The following TMEM123 variants were observed in gnomAD, a reference collection of about 807,000 sequenced individuals.
TMEM123 encodes porimin.
Under a neutral mutation model 19.7 loss-of-function variants are expected in TMEM123, and 16 were observed. The ratio of observed to expected loss-of-function variants is 0.81; its 90% CI spans 0.55 to 1.23. TMEM123 has a LOEUF of 1.23. Ranked by LOEUF, TMEM123 falls within the 50% of genes most tolerant of loss-of-function variation. TMEM123 has a pLI of 0.00. For missense variants in TMEM123, 313 were observed against 257.8 expected (o/e 1.21, Z -1.47); for synonymous variants, 118 against 99.4 (o/e 1.19, Z -1.12).
At chr11:102,401,742 TAAC>T in intron 3 of TMEM123, 50 bp from the exon 4 acceptor site, 1 of 1,477,252 alleles carries the variant, frequency 6.8e-7, no homozygotes, top group Non-Finnish European at 9.1e-7. Flanking sequence ...TTTTTTTTTT[TAAC>T]ATTGTAATTA....
At chr11:102,437,485 C>A (rs967606709) in intron 2 of TMEM123, among the ~76,000 whole-genome samples, 1 of 150,436 alleles carries the variant, frequency 6.6e-6, no homozygotes, top group African/African-American at 2.4e-5. Context: ...ATTTTTTTTA[C>A]GTTTAAAATG....
At chr11:102,452,013 T>G (rs1857945699) in intron 1 of TMEM123, among the ~76,000 whole-genome samples, 1 of 152,232 alleles carries the variant, frequency 6.6e-6, no homozygotes, top group Non-Finnish European at 1.5e-5. Flanking sequence ...ACTTCGAGCG[T>G]CAGGGGGACC....
chr11:102,451,718 T>C (rs975761006), intron 1 of TMEM123, among the ~76,000 whole-genome samples: 1 of 152,258 alleles, frequency 6.6e-6, no homozygotes, highest in Non-Finnish European at 1.5e-5. Flanking sequence ...AAGGGCTGTT[T>C]GAAGTCTCCA....
chr11:102,424,176 A>G (rs1297028345), intron 2 of TMEM123, among the ~76,000 whole-genome samples: 2 of 152,238 alleles, frequency 1.3e-5, no homozygotes, highest in African/African-American at 4.8e-5. Flanking sequence ...AAAAGCTAAT[A>G]TAAGCCATCT....
intron 2 of TMEM123, 54 bp from the exon 3 acceptor site, chr11:102,402,260 TC>T: frequency 6.4e-7 from 1 of 1,559,988 alleles, no homozygotes; most frequent in Non-Finnish European, 8.7e-7. Flanking sequence ...GGGAATAAGA[TC>T]CCATTTCACT....
chr11:102,421,538 C>T (rs1440684409), intron 2 of TMEM123, among the ~76,000 whole-genome samples: 1 of 151,926 alleles, frequency 6.6e-6, no homozygotes, highest in East Asian at 1.9e-4. Context: ...AAACTGTCTG[C>T]TCGAATGTCA....
At chr11:102,427,334 C>T (rs1038281257) in intron 2 of TMEM123, among the ~76,000 whole-genome samples, 5 of 151,898 alleles carry the variant, frequency 3.3e-5, no homozygotes, top group Admixed American at 6.6e-5. Context: ...CAAAAGAGGA[C>T]CCAGGTCTCT....
chr11:102,428,804 C>G (rs544107103), intron 2 of TMEM123, among the ~76,000 whole-genome samples: 2 of 152,272 alleles, frequency 1.3e-5, no homozygotes, highest in African/African-American at 2.4e-5. Context: ...TAGGCTATAA[C>G]TCTGACAAGA....
chr11:102,420,997 A>C (rs942400962), intron 2 of TMEM123, among the ~76,000 whole-genome samples: 4 of 152,218 alleles, frequency 2.6e-5, no homozygotes, highest in Non-Finnish European at 4.4e-5. Flanking sequence ...CAGTGAGTCA[A>C]GATGGTGCCA....
In TMEM123 at chr11:102,401,624, T is replaced by C; in HGVS notation, c.517A>G (p.Ile173Val). ...GATAAAACTCCCAGCGTTAATACAA[T>C]ACCACCAACAAAGCTCCCAGTATCA... ...KFDTGSFVGGIVLTLGVLSIL... is the reference protein window; with the variant it reads ...KFDTGSFVGGVVLTLGVLSIL... Residue 173 changes from isoleucine to valine, a missense_variant, in exon 4 of 5, where the codon ATT becomes GTT. Transcript: ENST00000398136. 1 of 1,609,256 alleles carries C rather than the reference T, an allele frequency of 6.2e-7. No homozygotes were observed. The highest frequency in any genetic ancestry group is 8.5e-7 in the Non-Finnish European group (1 of 1,178,856).
At chr11:102,443,803 C>A (rs1196319677) in intron 2 of TMEM123, among the ~76,000 whole-genome samples, 1 of 152,090 alleles carries the variant, frequency 6.6e-6, no homozygotes, top group Non-Finnish European at 1.5e-5. Context: ...ACCCATCTGA[C>A]AAAGGGCTAA....
intron 1 of TMEM123, 93 bp from the exon 2 acceptor site, chr11:102,448,961 T>C: frequency 8.0e-7 from 1 of 1,251,814 alleles, no homozygotes; most frequent in Non-Finnish European, 1.2e-6. Context: ...GTAGGGGTAG[T>C]GGTGTCAGGA....
intron 2 of TMEM123, among the ~76,000 whole-genome samples, chr11:102,433,128 T>A (rs183307790): frequency 6.6e-6 from 1 of 151,882 alleles, no homozygotes; most frequent in African/African-American, 2.4e-5. Flanking sequence ...CACTGCCTAG[T>A]GGAGCTGTGA....
At chr11:102,441,229 A>G (rs575495896) in intron 2 of TMEM123, among the ~76,000 whole-genome samples, 1 of 152,332 alleles carries the variant, frequency 6.6e-6, no homozygotes, top group South Asian at 2.1e-4. Context: ...ACCCCAAATC[A>G]ACAGAATATA....
At chr11:102,425,274 T>C (rs1952116952) in intron 2 of TMEM123, among the ~76,000 whole-genome samples, 1 of 152,200 alleles carries the variant, frequency 6.6e-6, no homozygotes. Flanking sequence ...AGAACAAGGA[T>C]GAAACACCTT....
In TMEM123 at chr11:102,438,947, A is replaced by C. The variant is rs116501970; in HGVS notation, c.157+9865T>G. Among the ~76,000 whole-genome samples the C allele has an allele frequency of 1.7e-3, 261 of 152,340 alleles. 1 individual carries two copies. The highest frequency in any genetic ancestry group is 6.2e-3 in the African/African-American group (258 of 41,578). On this transcript the variant is annotated intron_variant, in intron 2 of 4. Coordinates refer to ENST00000398136, the MANE Select transcript of TMEM123 (RefSeq NM_052932.3). ...GGCACACCAGGAGACTGTATCCTGC[A>C]CGTGGCTCAGAGGGTCCCACACCCA...
At chr11:102,413,868 T>C (rs968643826) in intron 2 of TMEM123, among the ~76,000 whole-genome samples, 1 of 152,100 alleles carries the variant, frequency 6.6e-6, no homozygotes, top group African/African-American at 2.4e-5. Context: ...GAGACTGAAA[T>C]GGTTAAAACA....
rs556067377 is a variant in TMEM123 at position 102,439,686 on chromosome 11, G to T, written c.157+9126C>A. Among the ~76,000 whole-genome samples, 4 of 152,348 alleles carry T rather than the reference G, an allele frequency of 2.6e-5. No homozygotes were observed. In the East Asian group the frequency reaches 5.8e-4, roughly 22 times the overall value. On this transcript the variant is annotated intron_variant, in intron 2 of 4. Transcript: ENST00000398136. Reference sequence around the variant, plus strand: ...TCCTCGCCAGCAACAGAACAAAGCTGGACGGAGAATGACTTTGACGAGTTG... The same window carrying T: ...TCCTCGCCAGCAACAGAACAAAGCTTGACGGAGAATGACTTTGACGAGTTG...
chr11:102,452,567 C>G lies in TMEM123; in HGVS notation c.57G>C (p.Val19=). ...WAALLLGTLQ[V]LALLGAAHES... The stretch of plus-strand genomic sequence containing the variant: ...CATGGGCGGCCCCCAGCAGCGCTAG[C>G]ACCTGCAGCGTCCCCAGGAGCAGCG... Residue 19 remains valine (V), a synonymous_variant, in exon 1 of 5, where the codon GTG becomes GTC. Transcript: ENST00000398136. 1 of 1,574,142 alleles carries G rather than the reference C, an allele frequency of 6.4e-7. No homozygotes were observed. Among genetic ancestry groups the G allele is most frequent in the East Asian group, 2.3e-5 (1 of 42,794 alleles).
Sources: allele counts gnomAD v4.1 joint callset (sites outside exome capture counted in the v4.1 genomes callset), GRCh38; gene constraint gnomAD v4.1.1; transcripts MANE v1.5; gene names NCBI Gene and HGNC (gene_info 2026-07-23, HGNC 2026-07-21).